HS6ST3: variants seen among roughly 807,000 people sequenced by gnomAD.
HS6ST3 encodes the protein heparan sulfate 6-O-sulfotransferase 3.
Under a neutral mutation model 36.7 loss-of-function variants are expected in HS6ST3, and 12 were observed. That is an observed-to-expected ratio of 0.33 (90% CI 0.21 to 0.53). The LOEUF is 0.53. Among genes scored for constraint, HS6ST3 ranks in the 20% least tolerant of loss-of-function variants. HS6ST3 has a pLI of 0.95. For synonymous variants in HS6ST3, 240 were observed against 257.5 expected, an observed-to-expected ratio of 0.93 and a Z score of 0.65; for missense variants, 584 against 640.9, an observed-to-expected ratio of 0.91 and a Z score of 0.96.
At chr13:96,229,724 A>G (rs2054498683) in intron 1 of HS6ST3, among the ~76,000 whole-genome samples, 2 of 152,246 alleles carry the variant, frequency 1.3e-5, no homozygotes, top group Non-Finnish European at 2.9e-5. Flanking sequence ...TTGAGGATAT[A>G]AATAACAGAA....
intron 1 of HS6ST3, among the ~76,000 whole-genome samples, chr13:96,544,209 A>G (rs1166045730): frequency 6.6e-6 from 1 of 152,188 alleles, no homozygotes; most frequent in African/African-American, 2.4e-5. Flanking sequence ...AATCTGGAAC[A>G]CTGCGTCTAA....
At chr13:96,245,141 G>A (rs2054578709) in intron 1 of HS6ST3, among the ~76,000 whole-genome samples, 1 of 152,156 alleles carries the variant, frequency 6.6e-6, no homozygotes, top group Non-Finnish European at 1.5e-5. Flanking sequence ...GTGTTGCTTT[G>A]CAACCAACAT....
At chr13:96,494,658 A>AAC (rs537636727) in intron 1 of HS6ST3, among the ~76,000 whole-genome samples, 2,199 of 150,874 alleles carry the variant, frequency 0.015, 33 homozygotes, top group African/African-American at 0.043. Context: ...CCTGTTTCAA[A>AAC]ACACACACAC....
chr13:96,659,295 C>G (rs2056638159), intron 1 of HS6ST3, among the ~76,000 whole-genome samples: 1 of 152,008 alleles, frequency 6.6e-6, no homozygotes, highest in Non-Finnish European at 1.5e-5. Context: ...GCTGATTTGT[C>G]CTTTGGATAT....
chr13:96,316,976 A>G (rs1368644548), intron 1 of HS6ST3, among the ~76,000 whole-genome samples: 2 of 152,144 alleles, frequency 1.3e-5, no homozygotes, highest in African/African-American at 2.4e-5. Context: ...ATATAAAAAT[A>G]AGACTTTTAT....
intron 1 of HS6ST3, among the ~76,000 whole-genome samples, chr13:96,451,580 G>A (rs77937055): frequency 0.011 from 1,690 of 152,268 alleles, 32 homozygotes; most frequent in African/African-American, 0.039. Flanking sequence ...TCTGATTTAT[G>A]CATGTCTAAA....
chr13:96,801,243 A>G (rs1236051976), intron 1 of HS6ST3, among the ~76,000 whole-genome samples: 9 of 152,120 alleles, frequency 5.9e-5, no homozygotes. Flanking sequence ...AATCCCAAGG[A>G]TGCAAAACAT....
intron 1 of HS6ST3, among the ~76,000 whole-genome samples, chr13:96,613,524 G>A (rs985778154): frequency 9.2e-5 from 14 of 152,116 alleles, no homozygotes; most frequent in Admixed American, 6.5e-5. Context: ...TGAATGAGTC[G>A]ACTTGGATAT....
At chr13:96,178,876 T>G (rs1298231289) in intron 1 of HS6ST3, among the ~76,000 whole-genome samples, 1 of 152,218 alleles carries the variant, frequency 6.6e-6, no homozygotes, top group Non-Finnish European at 1.5e-5. Context: ...TTCATTTAGA[T>G]TACTGAAAGT....
intron 1 of HS6ST3, among the ~76,000 whole-genome samples, chr13:96,099,690 A>G (rs935673306): frequency 6.6e-6 from 1 of 152,124 alleles, no homozygotes; most frequent in African/African-American, 2.4e-5. Context: ...TTGTGTATTT[A>G]TGTTTGCTCC....
intron 1 of HS6ST3, among the ~76,000 whole-genome samples, chr13:96,731,193 T>C (rs1461820904): frequency 6.6e-6 from 1 of 152,234 alleles, no homozygotes; most frequent in Admixed American, 6.5e-5. Context: ...ACTTATTCCT[T>C]CTTTCTAACT....
chr13:96,495,276 G>A (rs868840529), intron 1 of HS6ST3, among the ~76,000 whole-genome samples: 1 of 152,136 alleles, frequency 6.6e-6, no homozygotes. Flanking sequence ...CATATCATGA[G>A]GATTTTTATT....
chr13:96,158,041 C>T (rs1173703950), intron 1 of HS6ST3, among the ~76,000 whole-genome samples: 1 of 151,996 alleles, frequency 6.6e-6, no homozygotes, highest in Non-Finnish European at 1.5e-5. Context: ...TTGGGAACAT[C>T]GAGGAGGAAA....
At chr13:96,137,997 A>G (rs1345699364) in intron 1 of HS6ST3, among the ~76,000 whole-genome samples, 1 of 152,204 alleles carries the variant, frequency 6.6e-6, no homozygotes, top group Non-Finnish European at 1.5e-5. Context: ...GTCTTCAGTG[A>G]ATGTGAGAGC....
intron 1 of HS6ST3, among the ~76,000 whole-genome samples, chr13:96,184,773 C>G (rs2054257682): frequency 6.6e-6 from 1 of 152,170 alleles, no homozygotes; most frequent in Non-Finnish European, 1.5e-5. Flanking sequence ...CAATCTCAAC[C>G]CCCATTTATA....
chr13:96,396,383 A>C (rs1278983939), intron 1 of HS6ST3, among the ~76,000 whole-genome samples: 1 of 152,056 alleles, frequency 6.6e-6, no homozygotes, highest in Non-Finnish European at 1.5e-5. Flanking sequence ...TATCTAGTAT[A>C]ATTAATTCAT....
chr13:96,329,208 T>A (rs1162313104), intron 1 of HS6ST3, among the ~76,000 whole-genome samples: 1 of 147,214 alleles, frequency 6.8e-6, no homozygotes, highest in Non-Finnish European at 1.5e-5. Context: ...TTTAGTTATT[T>A]CTTGCCTTCT....
At chr13:96,365,225 G>A (rs1487304412) in intron 1 of HS6ST3, among the ~76,000 whole-genome samples, 1 of 152,150 alleles carries the variant, frequency 6.6e-6, no homozygotes, top group African/African-American at 2.4e-5. Context: ...GAGGAGGAAC[G>A]CCCCTCACTG....
In HS6ST3 at chr13:96,655,765, A is replaced by G. The variant is rs566219659; in HGVS notation, c.708-176725A>G. ...CCAGATACATATTTTGTTCCTGGGA[A>G]TTGGGTGATGTTGGCTGGGAAAGGA... On this transcript the variant is annotated intron_variant, in intron 1 of 1. Coordinates refer to ENST00000376705, the MANE Select transcript of HS6ST3 (RefSeq NM_153456.4). 2.0e-5 allele frequency among the ~76,000 whole-genome samples: 3 copies of G among 152,200 alleles called. No individual in the cohort carries two copies. In the South Asian group the frequency reaches 6.2e-4, roughly 32 times the overall value.
Sources: gnomAD v4.1 joint callset for allele counts (sites outside exome capture counted in the v4.1 genomes callset) on GRCh38, gnomAD v4.1.1 for gene constraint, MANE v1.5 for transcripts, NCBI Gene and HGNC (gene_info 2026-07-23, HGNC 2026-07-21) for gene names.